COL22A1: variants seen among roughly 807,000 people sequenced by gnomAD.
COL22A1 encodes the protein collagen alpha-1(XXII) chain.
In COL22A1, 221 loss-of-function variants were observed where a neutral mutation model predicts 248.9. The observed-to-expected ratio is 0.89, with a 90% CI of 0.80 to 0.99. The LOEUF (loss-of-function observed/expected upper bound fraction) is 0.99. Ranked by LOEUF, COL22A1 falls within the 50% of genes least tolerant of loss-of-function variation. COL22A1 has a pLI of 0.00. For synonymous variants in COL22A1, 891 were observed against 793.4 expected (o/e 1.12, Z -2.07); for missense variants, 2,240 against 2,179.0 (o/e 1.03, Z -0.56).
chr8:138,606,281 G>T, intron 58 of COL22A1, 100 bp downstream of exon 58: 1 of 1,099,710 alleles, frequency 9.1e-7, no homozygotes, highest in Non-Finnish European at 1.3e-6. Flanking sequence ...GGCCTGAGCA[G>T]ACAGAACTGA....
intron 22 of COL22A1, among the ~76,000 whole-genome samples, chr8:138,742,313 ATGG>A (rs1481816743): frequency 2.0e-5 from 3 of 148,322 alleles, no homozygotes; most frequent in African/African-American, 7.6e-5. Flanking sequence ...TGTGATGGTG[ATGG>A]TGGAGTTGAT....
intron 10 of COL22A1, among the ~76,000 whole-genome samples, chr8:138,805,460 T>G: frequency 7.3e-6 from 1 of 136,762 alleles, no homozygotes; most frequent in Non-Finnish European, 1.5e-5. Flanking sequence ...TGTGTGATGG[T>G]GTGTGTGTAA....
chr8:138,826,152 CCCA>C (rs1350518791), intron 6 of COL22A1: 3 of 157,480 alleles, frequency 1.9e-5, no homozygotes, highest in Non-Finnish European at 4.2e-5. Context: ...ATCTGATTCT[CCCA>C]CCAACGGTTC....
chr8:138,707,113 A>G (rs1169740890), intron 30 of COL22A1, among the ~76,000 whole-genome samples: 1 of 152,224 alleles, frequency 6.6e-6, no homozygotes, highest in Admixed American at 6.5e-5. Context: ...TGAATAGAAC[A>G]ATAACAGGCT....
intron 57 of COL22A1, 76 bp from the exon 58 acceptor site, chr8:138,606,528 C>G (rs1446332070): frequency 7.1e-7 from 1 of 1,415,862 alleles, no homozygotes; most frequent in Non-Finnish European, 9.8e-7. Flanking sequence ...CTTGTGACCA[C>G]TCTGAAATCA....
intron 36 of COL22A1, among the ~76,000 whole-genome samples, chr8:138,690,159 G>C (rs753042641): frequency 6.6e-6 from 1 of 152,184 alleles, no homozygotes; most frequent in African/African-American, 2.4e-5. Context: ...ACCTATAAAG[G>C]CTTGATGAAG....
chr8:138,734,498 A>T (rs1464996961), intron 23 of COL22A1, among the ~76,000 whole-genome samples: 6 of 152,218 alleles, frequency 3.9e-5, no homozygotes, highest in Non-Finnish European at 8.8e-5. Flanking sequence ...AGGAAGAGTG[A>T]ATTAGAGGAA....
intron 41 of COL22A1, among the ~76,000 whole-genome samples, chr8:138,670,520 C>T (rs141691993): frequency 6.6e-6 from 1 of 152,228 alleles, no homozygotes; most frequent in African/African-American, 2.4e-5. Flanking sequence ...TCTAGCCAGC[C>T]TAATTCTTGG....
chr8:138,682,076 T>G (rs1564187112), intron 39 of COL22A1, among the ~76,000 whole-genome samples: 2 of 152,160 alleles, frequency 1.3e-5, no homozygotes, highest in Non-Finnish European at 2.9e-5. Flanking sequence ...TCACATACAA[T>G]TTGAGAAGCA....
chr8:138,630,751 A>G lies in COL22A1; in HGVS notation c.3610-3T>C. On this transcript the variant is annotated splice_polypyrimidine_tract_variant and splice_region_variant and intron_variant, in intron 49 of 64. Coordinates refer to ENST00000303045, the MANE Select transcript of COL22A1 (RefSeq NM_152888.3). ...GCTCCTGCAATTCCATCTGCCCCCT[A>G]AAAAAGACAAGGCAGAAAGCTAGTT... The G allele has an allele frequency of 6.2e-7, 1 of 1,612,988 alleles. No individual in the cohort carries two copies. Among genetic ancestry groups the G allele is most frequent in the Non-Finnish European group, 8.5e-7 (1 of 1,179,194 alleles).
At chr8:138,779,482 A>G in intron 14 of COL22A1, 27 bp downstream of exon 14, 2 of 1,583,928 alleles carry the variant, frequency 1.3e-6, no homozygotes, top group Non-Finnish European at 1.7e-6. Flanking sequence ...GGAGCATCAG[A>G]AGGGCCCAGC....
chr8:138,827,028 C>G, intron 5 of COL22A1: 1 of 463,274 alleles, frequency 2.2e-6, no homozygotes, highest in Non-Finnish European at 4.0e-6. Flanking sequence ...TATGGTGCGT[C>G]TGCTTCCATC....
intron 37 of COL22A1, among the ~76,000 whole-genome samples, chr8:138,687,586 G>A (rs1048515632): frequency 2.0e-5 from 3 of 152,238 alleles, no homozygotes. Flanking sequence ...ATGGATACTA[G>A]TGTGATCTGC....
chr8:138,780,296 A>G (rs1814847741), intron 13 of COL22A1, among the ~76,000 whole-genome samples: 1 of 152,122 alleles, frequency 6.6e-6, no homozygotes, highest in Non-Finnish European at 1.5e-5. Context: ...CCAGCTGTGG[A>G]CCTCAGCGTT....
intron 18 of COL22A1, among the ~76,000 whole-genome samples, chr8:138,759,967 T>C (rs1359371662): frequency 6.6e-5 from 10 of 151,730 alleles, no homozygotes; most frequent in Admixed American, 5.9e-4. Context: ...CTAAATATTA[T>C]ATAACAGAAC....
intron 12 of COL22A1, among the ~76,000 whole-genome samples, chr8:138,788,439 G>C (rs1246020211): frequency 6.6e-6 from 1 of 152,188 alleles, no homozygotes; most frequent in Non-Finnish European, 1.5e-5. Context: ...TACCATGAAA[G>C]TTAAACTAAA....
At position 138,716,810 on chromosome 8, in the gene COL22A1, CACAA is replaced by C. The variant is rs756732036; in HGVS notation, c.2400+11_2400+14del. 403 of 1,591,530 alleles carry C rather than the reference CACAA, an allele frequency of 2.5e-4. 1 individual carries two copies. The highest frequency in any genetic ancestry group is 3.3e-4 in the South Asian group (30 of 90,482). On this transcript the variant is annotated intron_variant, in intron 28 of 64. Transcript: ENST00000303045. The stretch of plus-strand genomic sequence containing the variant: ...AATGAATAAAATGAATGAATAAAAG[CACAA>C]ACAAACAGACCTTCTCTCCAGGTCG...
At chr8:138,821,112 T>A in intron 7 of COL22A1, 24 bp downstream of exon 7, 2 of 1,605,480 alleles carry the variant, frequency 1.2e-6, no homozygotes, top group Non-Finnish European at 1.7e-6. Context: ...GAACCTGGGC[T>A]GCAGAAGGCC....
intron 62 of COL22A1, among the ~76,000 whole-genome samples, chr8:138,595,646 G>A (rs977913383): frequency 3.9e-5 from 6 of 152,116 alleles, no homozygotes; most frequent in East Asian, 1.9e-4. Flanking sequence ...GAAAAAGATC[G>A]TGTTCTTTTT....
Sources: allele counts gnomAD v4.1 joint callset (sites outside exome capture counted in the v4.1 genomes callset), GRCh38; gene constraint gnomAD v4.1.1; transcripts MANE v1.5; gene names NCBI Gene and HGNC (gene_info 2026-07-23, HGNC 2026-07-21).